The following WWTR1 variants were observed in gnomAD, a reference collection of about 807,000 sequenced individuals.
WWTR1 encodes the protein WW domain containing transcription regulator 1, also known as WW domain-containing transcription regulator protein 1.
WWTR1 carries 13 observed loss-of-function variants against 40.1 expected under a neutral mutation model. The observed-to-expected ratio is 0.32, with a 90% CI of 0.21 to 0.52. WWTR1 has a LOEUF of 0.52. WWTR1 is among the 20% of genes least tolerant of loss of function. WWTR1 has a pLI of 0.97. For missense variants in WWTR1, 436 were observed against 523.1 expected (o/e 0.83, Z 1.63); for synonymous variants, 230 against 210.1 (o/e 1.09, Z -0.82).
chr3:149,545,911 A>T (rs1330400384), intron 3 of WWTR1, among the ~76,000 whole-genome samples: 2 of 152,240 alleles, frequency 1.3e-5, no homozygotes, highest in Non-Finnish European at 2.9e-5. Context: ...TAGGACTATC[A>T]TCAGTCACTT....
At position 149,651,992 on chromosome 3, in the gene WWTR1, ATTTT is replaced by A. The variant is rs368845286; in HGVS notation, c.431+4880_431+4883del. ...AGGCGCCCGCTGCCACGCCCGGCTA[ATTTT>A]TTTTTTTTTTTTTTTTTTTGTATTT... On this transcript the variant is annotated intron_variant, in intron 2 of 6. Transcript: ENST00000360632. Among the ~76,000 whole-genome samples, 7 of 93,706 alleles carry A rather than the reference ATTTT, an allele frequency of 7.5e-5. No homozygotes were observed. The East Asian group carries it at 1.9e-3, about 25-fold the overall frequency. The allele number at this position is 93,706 out of a possible 152,430, so 61.5% of individuals were successfully genotyped here.
chr3:149,593,548 T>C (rs766073774), intron 2 of WWTR1, among the ~76,000 whole-genome samples: 1 of 152,234 alleles, frequency 6.6e-6, no homozygotes, highest in Non-Finnish European at 1.5e-5. Context: ...TCGACACTGC[T>C]CACCACTGAA....
At chr3:149,531,590 T>G (rs1485481673) in intron 4 of WWTR1, among the ~76,000 whole-genome samples, 1 of 152,056 alleles carries the variant, frequency 6.6e-6, no homozygotes, top group Non-Finnish European at 1.5e-5. Context: ...TCTATCTGCT[T>G]GCAAGGTGTT....
At chr3:149,622,498 G>GAAAGAAAGAAAGAAAAGA (rs1560089724) in intron 2 of WWTR1, among the ~76,000 whole-genome samples, 1 of 51,022 alleles carries the variant, frequency 2.0e-5, no homozygotes, top group African/African-American at 7.9e-5. Context: ...AGGAAGGAAG[G>GAAAGAAAGAAAGAAAAGA]AAGGAAGAAA....
At chr3:149,569,134 A>G (rs1447701614) in intron 3 of WWTR1, among the ~76,000 whole-genome samples, 3 of 152,190 alleles carry the variant, frequency 2.0e-5, no homozygotes, top group Non-Finnish European at 4.4e-5. Flanking sequence ...TAACTTAAAC[A>G]TTTCCACCAG....
At chr3:149,665,895 G>A (rs1713794981) in intron 2 of WWTR1, among the ~76,000 whole-genome samples, 1 of 152,050 alleles carries the variant, frequency 6.6e-6, no homozygotes, top group African/African-American at 2.4e-5. Context: ...TATTATTTTG[G>A]GTGTGATGAG....
intron 3 of WWTR1, among the ~76,000 whole-genome samples, chr3:149,570,038 G>A (rs535067940): frequency 2.9e-4 from 44 of 152,192 alleles, no homozygotes; most frequent in Non-Finnish European, 5.9e-4. Flanking sequence ...CACAGGCAGA[G>A]TTATGGCTTG....
chr3:149,672,386 T>A (rs549680096), intron 1 of WWTR1, among the ~76,000 whole-genome samples: 2 of 152,276 alleles, frequency 1.3e-5, no homozygotes, highest in African/African-American at 4.8e-5. Flanking sequence ...GCCAGAACAA[T>A]TACATGACTA....
At chr3:149,684,052 GT>G (rs1465683984) in intron 1 of WWTR1, among the ~76,000 whole-genome samples, 1 of 152,146 alleles carries the variant, frequency 6.6e-6, no homozygotes, top group Non-Finnish European at 1.5e-5. Context: ...CTAAGGAATT[GT>G]TTAAATAAGT....
rs147804619 is a variant in WWTR1, at chr3:149,700,594, A to AAAATTAAATTAAATT, written c.-108+2515_-108+2529dup. Among the ~76,000 whole-genome samples, 181 of 151,890 alleles carry AAAATTAAATTAAATT rather than the reference A, an allele frequency of 1.2e-3. 3 individuals carry two copies. The highest frequency in any genetic ancestry group is 4.0e-3 in the African/African-American group (164 of 41,312). ...TGCCCTAAATCCTGAAAAAGACAAA[A>AAAATTAAATTAAATT]AAATTAAATTAAATTAAATTAAATT... is the stretch of plus-strand genomic sequence containing the variant. On this transcript the variant is annotated intron_variant, in intron 1 of 7. Transcript: ENST00000465804.
At chr3:149,564,117 C>T (rs961226435) in intron 3 of WWTR1, among the ~76,000 whole-genome samples, 3 of 152,156 alleles carry the variant, frequency 2.0e-5, no homozygotes, top group Non-Finnish European at 2.9e-5. Context: ...TCTGAGCACT[C>T]GAAAACAGCA....
chr3:149,640,987 A>G (rs188656961), intron 2 of WWTR1, among the ~76,000 whole-genome samples: 3 of 152,166 alleles, frequency 2.0e-5, no homozygotes, highest in Admixed American at 6.5e-5. Flanking sequence ...ATCAAAGAAA[A>G]ACCAAATTAT....
chr3:149,625,122 GT>G (rs1246470991), intron 2 of WWTR1, among the ~76,000 whole-genome samples: 1 of 111,584 alleles, frequency 9.0e-6, no homozygotes, highest in South Asian at 2.7e-4. Context: ...TTTTTTTTTG[GT>G]TTTTTTGGTT....
intron 4 of WWTR1, among the ~76,000 whole-genome samples, chr3:149,723,809 T>G (rs1715813421): frequency 6.6e-6 from 1 of 152,198 alleles, no homozygotes; most frequent in Non-Finnish European, 1.5e-5. Flanking sequence ...ACCTGCTGCT[T>G]CTTTGCACCT....
intron 1 of WWTR1, among the ~76,000 whole-genome samples, chr3:149,687,581 A>G (rs1009548557): frequency 6.6e-6 from 1 of 152,242 alleles, no homozygotes; most frequent in Non-Finnish European, 1.5e-5. Flanking sequence ...ACTATTTACT[A>G]TCATTTCCAT....
chr3:149,665,023 A>G (rs1442166406), intron 2 of WWTR1, among the ~76,000 whole-genome samples: 2 of 152,120 alleles, frequency 1.3e-5, no homozygotes, highest in Admixed American at 1.3e-4. Flanking sequence ...TATTTTTGCT[A>G]TCATTTTGGG....
intron 2 of WWTR1, among the ~76,000 whole-genome samples, chr3:149,588,603 C>T (rs944351943): frequency 6.6e-6 from 1 of 151,990 alleles, no homozygotes; most frequent in African/African-American, 2.4e-5. Context: ...GAACATAATC[C>T]CGTTTTGGTA....
At position 149,708,312 on chromosome 3, in the gene WWTR1, G is replaced by A. The variant is rs146358356; in HGVS notation, n.585-4984C>T. On this transcript the variant is annotated intron_variant and non_coding_transcript_variant, in intron 5 of 6. Transcript: ENST00000474080. ...TTGTTTGCTTGCTGGTTTTTTAATTGTGGTAAAATATACCTAATATAACAT... is the reference window on the plus strand; with the variant it reads ...TTGTTTGCTTGCTGGTTTTTTAATTATGGTAAAATATACCTAATATAACAT... 5.9e-5 allele frequency among the ~76,000 whole-genome samples: 9 copies of A among 151,968 alleles called. No individual in the cohort carries two copies. In the East Asian group the frequency reaches 7.7e-4, roughly 13 times the overall value.
intron 2 of WWTR1, among the ~76,000 whole-genome samples, chr3:149,652,546 C>A: frequency 7.5e-6 from 1 of 133,102 alleles, no homozygotes. Flanking sequence ...TCACTTGAGC[C>A]CAGGAATTTG....
Sources: allele counts gnomAD v4.1 joint callset (sites outside exome capture counted in the v4.1 genomes callset), GRCh38; gene constraint gnomAD v4.1.1; transcripts MANE v1.5; gene names NCBI Gene and HGNC (gene_info 2026-07-23, HGNC 2026-07-21).